The following HSF1 variants were observed in gnomAD, a reference collection of about 807,000 sequenced individuals.
HSF1 encodes heat shock factor protein 1.
In HSF1, 32 loss-of-function variants were observed where a neutral mutation model predicts 51.7. That is an observed-to-expected ratio of 0.62 (90% CI 0.47 to 0.83). The LOEUF (loss-of-function observed/expected upper bound fraction) is 0.83, where lower values mean the gene tolerates loss of function less well. Ranked by LOEUF, HSF1 falls within the 40% of genes least tolerant of loss-of-function variation. The pLI is 0.00. For synonymous variants in HSF1, 396 were observed against 309.7 expected (o/e 1.28, Z -2.92); for missense variants, 727 against 717.0 (o/e 1.01, Z -0.16).
At chr8:144,299,019 G>A (rs1400246540) in intron 1 of HSF1, among the ~76,000 whole-genome samples, 1 of 152,218 alleles carries the variant, frequency 6.6e-6, no homozygotes, top group Non-Finnish European at 1.5e-5. Context: ...TGACACCTTA[G>A]AGGAAACACA....
intron 2 of HSF1, 94 bp from the exon 3 acceptor site, chr8:144,309,361 C>T: frequency 6.4e-7 from 1 of 1,557,172 alleles, no homozygotes; most frequent in Admixed American, 1.7e-5. Context: ...TGACCATGGC[C>T]AAGCCCCGCA....
chr8:144,311,108 G>A (rs1588660030), intron 4 of HSF1, 66 bp from the exon 5 acceptor site: 1 of 1,458,234 alleles, frequency 6.9e-7, no homozygotes, highest in South Asian at 1.2e-5. Flanking sequence ...GGGAGGGTCT[G>A]TGGGGCTCCC....
In HSF1 at chr8:144,297,899, G is replaced by A. The variant is rs1815577176; in HGVS notation, c.117+6025G>A. On this transcript the variant is annotated intron_variant, in intron 1 of 12. Coordinates refer to ENST00000528838, the MANE Select transcript of HSF1 (RefSeq NM_005526.4). This position sits in a 1 kb window ranked among gnomAD's most constrained non-coding sequence, Gnocchi z 4.6. ...ACTCAGAGACACAGACACTTTCTAT[G>A]TAAGGTGTCCCTACAGGCAGGATCT... Among the ~76,000 whole-genome samples the A allele has an allele frequency of 6.6e-6, 1 of 152,214 alleles. No homozygotes were observed. Among genetic ancestry groups the A allele is most frequent in the Admixed American group, 6.5e-5 (1 of 15,286 alleles).
rs1816773882 is a variant in HSF1, at chr8:144,312,781, A to G, written c.1142+537A>G. 6.5e-6 allele frequency: 9 copies of G among 1,379,984 alleles called. No homozygotes were observed. In the South Asian group the frequency reaches 8.6e-5, roughly 13 times the overall value. The allele number at this position is 1,379,984 out of a possible 1,614,324, so 85.5% of individuals were successfully genotyped here. On this transcript the variant is annotated intron_variant, in intron 9 of 12. Transcript: ENST00000528838. ...CTCGGGCCCTCCCACACAGCCGTGGACCAGACCCAGCCTGGCCGGGCATGA... is the reference window on the plus strand; with the variant it reads ...CTCGGGCCCTCCCACACAGCCGTGGGCCAGACCCAGCCTGGCCGGGCATGA...
At chr8:144,311,932 C>CG in intron 8 of HSF1, 31 bp from the exon 9 acceptor site, 1 of 1,579,900 alleles carries the variant, frequency 6.3e-7, no homozygotes, top group Non-Finnish European at 8.6e-7. Flanking sequence ...CTGGCCGAGA[C>CG]GCCAGCTCAC....
At position 144,312,052 on chromosome 8, in the gene HSF1, G is replaced by A. The variant is rs369608182; in HGVS notation, c.950G>A (p.Arg317His). The A allele has an allele frequency of 2.1e-5, 34 of 1,611,812 alleles. No individual in the cohort carries two copies. The highest frequency in any genetic ancestry group is 1.6e-4 in the Middle Eastern group (1 of 6,078). Residue 317 changes from arginine (R) to histidine (H), a missense_variant, in exon 9 of 13, where the codon CGC (arginine) becomes CAC (histidine). Arg to His is a conservative substitution (Grantham distance 29). Coordinates refer to ENST00000528838, the MANE Select transcript of HSF1 (RefSeq NM_005526.4). ...SPRVEEASPG[R>H]PSSVDTLLSP... is the part of the protein sequence containing the mutation. ...CGGGTAGAGGAGGCGAGTCCCGGGC[G>A]CCCATCTTCCGTGGACACCCTCTTG... is the stretch of plus-strand genomic sequence containing the variant.
In HSF1 at chr8:144,313,655, TCCCCGCCGCGCCGCCCCGCCTCCCCG is replaced by T. The variant is rs1816891237; in HGVS notation, c.1248+47_1248+72del. 54 of 214,142 alleles carry T rather than the reference TCCCCGCCGCGCCGCCCCGCCTCCCCG, an allele frequency of 2.5e-4. 7 individuals are homozygous for T. The highest frequency in any genetic ancestry group is 6.5e-4 in the East Asian group (5 of 7,638). 13.3% of individuals were successfully genotyped at this position (214,142 alleles called of 1,614,324 possible). A position where few individuals can be genotyped will look rare whatever the true frequency, so the allele number is the denominator to read the frequency against. The stretch of plus-strand genomic sequence containing the variant: ...CGCCGCCCCGCCTCCCCGCCCCGCC[TCCCCGCCGCGCCGCCCCGCCTCCCCG>T]CCCCGCCTCCCCGCCTCCCCGCGCC... On this transcript the variant is annotated intron_variant, in intron 10 of 12. Transcript: ENST00000528838.
intron 4 of HSF1, 71 bp from the exon 5 acceptor site, chr8:144,311,103 G>A (rs573761548): frequency 1.4e-6 from 2 of 1,403,602 alleles, no homozygotes; most frequent in East Asian, 2.5e-5. Flanking sequence ...GGACAGGGAG[G>A]GTCTGTGGGG....
At chr8:144,301,596 G>A (rs1038180815) in intron 1 of HSF1, among the ~76,000 whole-genome samples, 3 of 152,228 alleles carry the variant, frequency 2.0e-5, no homozygotes, top group Non-Finnish European at 4.4e-5. Context: ...GCCGGGCGCG[G>A]TGGCTCACGC....
intron 1 of HSF1, among the ~76,000 whole-genome samples, chr8:144,298,598 CAA>C (rs369577549): frequency 7.2e-6 from 1 of 139,672 alleles, no homozygotes. Flanking sequence ...GAAACTGTCT[CAA>C]AAAAAAAAAA....
chr8:144,313,371 C>T (rs1382694551), intron 9 of HSF1, 140 bp from the exon 10 acceptor site: 13 of 616,722 alleles, frequency 2.1e-5, no homozygotes, highest in South Asian at 9.5e-5. Context: ...TCCTCGAATG[C>T]GCTGCCCCCT....
rs11405501 is a variant in HSF1 at position 144,298,442 on chromosome 8, CA to C, written c.117+6582del. 7.4e-3 allele frequency among the ~76,000 whole-genome samples: 1,028 copies of C among 138,692 alleles called. 5 individuals are homozygous for C. Among genetic ancestry groups the C allele is most frequent in the African/African-American group, 0.021 (794 of 37,508 alleles). The allele number at this position is 138,692 out of a possible 152,430, so 91.0% of individuals were successfully genotyped here. ...TGAAACCCCGTCTCTACTAAAAATA[CA>C]AAAAAAAAAAAAATAGCCAGGCGTG... On this transcript the variant is annotated intron_variant, in intron 1 of 12. Transcript: ENST00000528838.
intron 9 of HSF1, chr8:144,312,882 G>C (rs1459015562): frequency 8.0e-6 from 5 of 624,756 alleles, no homozygotes; most frequent in African/African-American, 1.8e-5. Context: ...CCCTGGCCAC[G>C]GGCCTGTGGT....
rs1816660434 is a variant in HSF1, at chr8:144,311,544, G to T, written c.666G>T (p.Met222Ile). 1.2e-6 allele frequency: 2 copies of T among 1,613,592 alleles called. No individual in the cohort carries two copies. Among genetic ancestry groups the T allele is most frequent in the African/African-American group, 1.3e-5 (1 of 74,916 alleles). The change falls in exon 7 of 13, where the codon ATG becomes ATT. Residue 222 changes from methionine (M) to isoleucine (I), a missense_variant. Physicochemically the swap from Met to Ile is conservative, Grantham distance 10. Around this residue, in one of 2 missense-constraint regions of HSF1, gnomAD observed 257 missense variants for 318.3 expected, o/e 0.81. Coordinates refer to ENST00000528838, the MANE Select transcript of HSF1 (RefSeq NM_005526.4). ...MLNDSGSAHS[M>I]PKYSRQFSLE... is the part of the protein sequence containing the mutation. The stretch of plus-strand genomic sequence containing the variant: ...ACGACAGTGGCTCAGCACATTCCAT[G>T]CCCAAGTATAGCCGGCAGTTCTCCC...
At chr8:144,304,947 C>CTTTT (rs141886614) in intron 1 of HSF1, among the ~76,000 whole-genome samples, 2 of 138,862 alleles carry the variant, frequency 1.4e-5, no homozygotes, top group African/African-American at 2.7e-5. Flanking sequence ...CATTTTAATC[C>CTTTT]TTTTTTTTTT....
intron 9 of HSF1, chr8:144,312,818 G>T: frequency 1.9e-6 from 2 of 1,040,290 alleles, no homozygotes; most frequent in South Asian, 2.7e-5. Flanking sequence ...CGTCGGGCCT[G>T]GGCGGCAGCA....
intron 1 of HSF1, among the ~76,000 whole-genome samples, chr8:144,298,591 A>G (rs1367123037): frequency 3.4e-4 from 48 of 140,582 alleles, no homozygotes; most frequent in Non-Finnish European, 6.3e-4. Flanking sequence ...AGAGCGAGAA[A>G]CTGTCTCAAA....
rs782742553 is a variant in HSF1 at position 144,311,611 on chromosome 8, G to C, written c.723+10G>C. The C allele has an allele frequency of 6.2e-7, 1 of 1,613,092 alleles. No individual in the cohort carries two copies. ...CTCGGGCCCCTACTCGGTGAGTGCC[G>C]GAGACAGGGCACCCGCCCAGGCATG... On this transcript the variant is annotated intron_variant, in intron 7 of 12. Transcript: ENST00000528838.
chr8:144,313,642 TCCCCGCCCCGCCTCCCCGCCG>T, intron 10 of HSF1, 26 bp downstream of exon 10: 3 of 338,938 alleles, frequency 8.9e-6, no homozygotes, highest in Non-Finnish European at 1.3e-5. Flanking sequence ...CCGCCCCGCC[TCCCCGCCCCGCCTCCCCGCCG>T]CGCCGCCCCG....
Sources: gnomAD v4.1 joint callset for allele counts (sites outside exome capture counted in the v4.1 genomes callset) on GRCh38, gnomAD v4.1.1 for gene constraint, gnomAD v4.1.1 regional missense constraint, Gnocchi (gnomAD v3.1) non-coding constraint, MANE v1.5 for transcripts, NCBI Gene and HGNC (gene_info 2026-07-23, HGNC 2026-07-21) for gene names.